Variants in GORASP2 observed in about 807,000 individuals in gnomAD.
GORASP2 encodes the protein Golgi reassembly-stacking protein 2.
In GORASP2, 22 loss-of-function variants were observed where a neutral mutation model predicts 45.7. That is an observed-to-expected ratio of 0.48 (90% CI 0.34 to 0.69). The LOEUF (loss-of-function observed/expected upper bound fraction) is 0.69. Among genes scored for constraint, GORASP2 ranks in the 30% least tolerant of loss-of-function variants. GORASP2 has a pLI of 0.01. For missense variants in GORASP2, 491 were observed against 562.7 expected (o/e 0.87, Z 1.29); for synonymous variants, 221 against 215.6 (o/e 1.02, Z -0.22).
Position 170,929,276 on chromosome 2 carries a change from C to T in GORASP2, c.-65C>T. The T allele has an allele frequency of 8.1e-7, 1 of 1,234,222 alleles. No individual in the cohort carries two copies. The highest frequency in any genetic ancestry group is 1.0e-6 in the Non-Finnish European group (1 of 956,450). The allele number at this position is 1,234,222 out of a possible 1,614,324, so 76.5% of individuals were successfully genotyped here. ...CCAAGTGCTACGCGGAGGATTAGAG[C>T]AGGCGGTGCGCTGGGGGCGGGAGCA... is the stretch of plus-strand genomic sequence containing the variant. On this transcript the variant is annotated 5_prime_UTR_variant, in exon 1 of 10. Coordinates refer to ENST00000234160, the MANE Select transcript of GORASP2 (RefSeq NM_015530.5).
At chr2:170,962,422 T>C (rs766835240) in intron 8 of GORASP2, among the ~76,000 whole-genome samples, 2 of 152,246 alleles carry the variant, frequency 1.3e-5, no homozygotes, top group Non-Finnish European at 2.9e-5. Flanking sequence ...TTTGCAACTG[T>C]AAGTCTGCAG....
At chr2:170,940,042 G>A (rs1249420951) in intron 1 of GORASP2, among the ~76,000 whole-genome samples, 2 of 152,020 alleles carry the variant, frequency 1.3e-5, no homozygotes, top group African/African-American at 4.8e-5. Context: ...ATTCAATGGG[G>A]CTTTTCTGCA....
Position 170,950,298 on chromosome 2 carries a change from G to A in GORASP2, c.435+8G>A, listed in dbSNP as rs367836760. 1.1e-4 allele frequency: 154 copies of A among 1,387,478 alleles called. No homozygotes were observed. Among genetic ancestry groups the A allele is most frequent in the Non-Finnish European group, 1.4e-4 (140 of 996,968 alleles). 85.9% of individuals were successfully genotyped at this position (1,387,478 alleles called of 1,614,324 possible). On this transcript the variant is annotated splice_region_variant and intron_variant, in intron 4 of 9. Coordinates refer to ENST00000234160, the MANE Select transcript of GORASP2 (RefSeq NM_015530.5). Reference sequence around the variant, plus strand: ...GATACAGTCATGAATGAGGTAATTCGTGTGTTTATTCATAGTGAGAACTAT... The same window carrying A: ...GATACAGTCATGAATGAGGTAATTCATGTGTTTATTCATAGTGAGAACTAT...
chr2:170,945,883 A>G (rs1704172051), intron 1 of GORASP2, among the ~76,000 whole-genome samples: 4 of 152,222 alleles, frequency 2.6e-5, no homozygotes, highest in Admixed American at 2.6e-4. Flanking sequence ...AGCTTTGTGT[A>G]TGGTTGAAAG....
chr2:170,935,845 G>A (rs922967260), intron 1 of GORASP2, among the ~76,000 whole-genome samples: 3 of 152,144 alleles, frequency 2.0e-5, no homozygotes, highest in Admixed American at 2.0e-4. Context: ...CAAAGTGCTG[G>A]GGTTACAGGC....
chr2:170,950,538 A>G (rs978590918), intron 4 of GORASP2, among the ~76,000 whole-genome samples: 1 of 152,260 alleles, frequency 6.6e-6, no homozygotes, highest in Non-Finnish European at 1.5e-5. Context: ...AAATCTTTGC[A>G]TACCTGAAGT....
At chr2:170,956,343 A>C (rs376561341) in intron 6 of GORASP2, 93 bp from the exon 7 acceptor site, 2 of 1,134,884 alleles carry the variant, frequency 1.8e-6, no homozygotes. Context: ...TGTGAACCAA[A>C]TATCTATCTG....
upstream of GORASP2, chr2:170,929,105 C>G (rs1016090051): frequency 5.1e-6 from 2 of 389,342 alleles, no homozygotes; most frequent in African/African-American, 4.2e-5. Flanking sequence ...CCTCTCCGCC[C>G]TCCCGGCCCG....
chr2:170,945,110 G>A (rs1704153659), intron 1 of GORASP2, among the ~76,000 whole-genome samples: 1 of 152,062 alleles, frequency 6.6e-6, no homozygotes, highest in Non-Finnish European at 1.5e-5. Context: ...TTGAGTCCTA[G>A]ACATTTTATT....
chr2:170,945,340 A>G (rs1208193118), intron 1 of GORASP2, among the ~76,000 whole-genome samples: 1 of 151,846 alleles, frequency 6.6e-6, no homozygotes, highest in Non-Finnish European at 1.5e-5. Context: ...TACACTAGAA[A>G]AAATTTAAAA....
chr2:170,946,917 G>A (rs1704192096), intron 1 of GORASP2, among the ~76,000 whole-genome samples: 1 of 152,084 alleles, frequency 6.6e-6, no homozygotes, highest in Non-Finnish European at 1.5e-5. Flanking sequence ...TCCAGCCTAG[G>A]CAACAGAGCA....
At chr2:170,940,865 A>C (rs949695973) in intron 1 of GORASP2, among the ~76,000 whole-genome samples, 5 of 152,136 alleles carry the variant, frequency 3.3e-5, no homozygotes, top group Admixed American at 3.3e-4. Context: ...GTCTTTTGTG[A>C]CACACTAAAT....
At position 170,954,658 on chromosome 2, in the gene GORASP2, G is replaced by A; in HGVS notation, c.575G>A (p.Cys192Tyr). The A allele has an allele frequency of 6.2e-7, 1 of 1,611,872 alleles. No homozygotes were observed. Among genetic ancestry groups the A allele is most frequent in the Non-Finnish European group, 8.5e-7 (1 of 1,178,766 alleles). The stretch of plus-strand genomic sequence containing the variant: ...AAAAAATGTTTTTATAGCCTAGGAT[G>A]TGGCATTGGATATGGTTATTTGCAT... ...SAWGGEGSLG[C>Y]GIGYGYLHRI... The change falls in exon 6 of 10, where the codon TGT (cysteine) becomes TAT (tyrosine). Residue 192 changes from cysteine (C) to tyrosine (Y), a missense_variant. Transcript: ENST00000234160.
intron 1 of GORASP2, among the ~76,000 whole-genome samples, chr2:170,946,600 C>T (rs1166030894): frequency 2.0e-5 from 3 of 151,964 alleles, no homozygotes; most frequent in Non-Finnish European, 4.4e-5. Context: ...TGTAGCTCTA[C>T]CCCTTCTTTC....
At position 170,966,005 on chromosome 2, in the gene GORASP2, G is replaced by A. The variant is rs2105332166; in HGVS notation, c.1234G>A (p.Val412Met). 6.2e-7 allele frequency: 1 copy of A among 1,614,022 alleles called. No individual in the cohort carries two copies. Among genetic ancestry groups the A allele is most frequent in the East Asian group, 2.2e-5 (1 of 44,854 alleles). ...AKADAASSLT[V>M]DVTPPTAKAP... ...GGCAGACGCTGCCTCCTCACTCACTGTGGATGTGACGCCCCCCACTGCCAA... is the reference window on the plus strand; with the variant it reads ...GGCAGACGCTGCCTCCTCACTCACTATGGATGTGACGCCCCCCACTGCCAA... Residue 412 changes from valine (V) to methionine (M), a missense_variant, in exon 10 of 10, where the codon GTG (valine) becomes ATG (methionine). Transcript: ENST00000234160.
At chr2:170,957,629 T>C (rs1704459759) in intron 7 of GORASP2, among the ~76,000 whole-genome samples, 1 of 152,218 alleles carries the variant, frequency 6.6e-6, no homozygotes, top group Admixed American at 6.5e-5. Context: ...TTTGTTTGTT[T>C]TGGGTTTTAT....
chr2:170,952,057 A>G (rs990930058), intron 5 of GORASP2, among the ~76,000 whole-genome samples: 11 of 152,242 alleles, frequency 7.2e-5, no homozygotes, highest in African/African-American at 2.7e-4. Context: ...TTTATTCATT[A>G]CAAGAGGCAC....
intron 5 of GORASP2, chr2:170,954,419 G>C (rs1168014697): frequency 2.1e-6 from 1 of 485,702 alleles, no homozygotes; most frequent in East Asian, 3.5e-5. Context: ...CCACAGTGGA[G>C]GGCAGGGTGT....
chr2:170,947,771 C>T (rs1704211420), intron 1 of GORASP2, among the ~76,000 whole-genome samples: 1 of 152,012 alleles, frequency 6.6e-6, no homozygotes, highest in Non-Finnish European at 1.5e-5. Flanking sequence ...GCCCCTTTCT[C>T]CCAAAAAAGG....
Sources: gnomAD v4.1 joint callset for allele counts (sites outside exome capture counted in the v4.1 genomes callset) on GRCh38, gnomAD v4.1.1 for gene constraint, MANE v1.5 for transcripts, NCBI Gene and HGNC (gene_info 2026-07-23, HGNC 2026-07-21) for gene names.